Variants in DOP1A observed in about 807,000 individuals in gnomAD.
DOP1A encodes the protein DOP1 leucine zipper like protein A.
DOP1A carries 90 observed loss-of-function variants against 267.6 expected under a neutral mutation model. The observed-to-expected ratio is 0.34, with a 90% CI of 0.28 to 0.40. The LOEUF (loss-of-function observed/expected upper bound fraction) is 0.40. Among genes scored for constraint, DOP1A ranks in the 10% least tolerant of loss-of-function variants. The pLI, the probability that DOP1A is intolerant of heterozygous loss-of-function variation, is 1.00. For synonymous variants in DOP1A, 932 were observed against 999.1 expected (o/e 0.93, Z 1.27); for missense variants, 2,437 against 2,900.4 (o/e 0.84, Z 3.67).
chr6:83,160,238 C>T (rs536443509), intron 37 of DOP1A, among the ~76,000 whole-genome samples: 1 of 152,284 alleles, frequency 6.6e-6, no homozygotes, highest in Non-Finnish European at 1.5e-5. Context: ...CATACTCATA[C>T]TATGGTGGCT....
rs373743793 is a variant in DOP1A at position 83,093,691 on chromosome 6, A to T, written c.-146-3040A>T. On this transcript the variant is annotated intron_variant, in intron 1 of 38. Coordinates refer to ENST00000349129, the MANE Select transcript of DOP1A (RefSeq NM_015018.4). ...GGGAGGCCAGCGCAGGCAGATGACG[A>T]GGTCAGGAGTTCGAGACCAGCCTGG... Among the ~76,000 whole-genome samples the T allele has an allele frequency of 1.4e-4, 22 of 152,326 alleles. No homozygotes were observed. The East Asian group carries it at 3.5e-3, about 24-fold the overall frequency.
intron 17 of DOP1A, 109 bp downstream of exon 17, chr6:83,130,506 AAC>A: frequency 1.5e-6 from 2 of 1,331,980 alleles, no homozygotes; most frequent in Middle Eastern, 2.7e-4. Flanking sequence ...GCTTCATTTA[AAC>A]ACCTCTTAAT....
chr6:83,106,970 TTGG>T (rs1378531495), intron 4 of DOP1A, among the ~76,000 whole-genome samples: 1 of 152,136 alleles, frequency 6.6e-6, no homozygotes, highest in East Asian at 1.9e-4. Flanking sequence ...GATCTGGCAA[TTGG>T]TGGACATTGG....
intron 38 of DOP1A, 77 bp from the exon 39 acceptor site, chr6:83,167,785 G>A: frequency 6.8e-7 from 1 of 1,470,340 alleles, no homozygotes; most frequent in South Asian, 1.5e-5. Context: ...AATTGCCAAA[G>A]TTTATATATT....
chr6:83,160,288 T>C (rs1322083243), intron 37 of DOP1A, among the ~76,000 whole-genome samples: 1 of 152,194 alleles, frequency 6.6e-6, no homozygotes, highest in Non-Finnish European at 1.5e-5. Flanking sequence ...CAGAGATCCC[T>C]ACTAGCTCTG....
At chr6:83,103,328 C>T (rs1182450848) in intron 4 of DOP1A, among the ~76,000 whole-genome samples, 1 of 152,058 alleles carries the variant, frequency 6.6e-6, no homozygotes, top group Admixed American at 6.5e-5. Context: ...ACTTTGGGGA[C>T]CCAGGAGAAA....
At chr6:83,096,100 T>G (rs531014049) in intron 1 of DOP1A, among the ~76,000 whole-genome samples, 1 of 152,162 alleles carries the variant, frequency 6.6e-6, no homozygotes, top group Admixed American at 6.5e-5. Context: ...ACAAAGAATT[T>G]GTGGATTTGT....
Position 83,130,275 on chromosome 6 carries a change from A to G in DOP1A, c.2494A>G (p.Ile832Val), listed in dbSNP as rs1166491150. 5.0e-6 allele frequency: 8 copies of G among 1,613,990 alleles called. No homozygotes were observed. The highest frequency in any genetic ancestry group is 1.7e-5 in the Admixed American group (1 of 59,986). Residue 832 changes from isoleucine (I) to valine (V), a missense_variant, in exon 17 of 39, where the codon ATC (isoleucine) becomes GTC (valine). By Grantham distance (29) the Ile-to-Val change is conservative. This residue lies in a region of DOP1A where 878 missense variants were observed against 992.9 expected (regional missense o/e 0.88). Transcript: ENST00000349129. ...QSVAMVTGEN[I>V]NSVEPAQPLS... ...TGTGGCCATGGTCACTGGGGAAAAC[A>G]TCAACAGTGTAGAGCCTGCACAACC... is the stretch of plus-strand genomic sequence containing the variant.
chr6:83,108,832 T>G, intron 4 of DOP1A, 78 bp from the exon 5 acceptor site: 1 of 1,332,106 alleles, frequency 7.5e-7, no homozygotes, highest in Non-Finnish European at 1.0e-6. Flanking sequence ...AAAGAAATAT[T>G]TATACATATA....
At chr6:83,070,588 T>G (rs2127953046) in intron 1 of DOP1A, among the ~76,000 whole-genome samples, 1 of 152,370 alleles carries the variant, frequency 6.6e-6, no homozygotes, top group Admixed American at 6.5e-5. Flanking sequence ...GTTATACTTT[T>G]ACTCTCTGAG....
chr6:83,083,098 A>G (rs2128043572), intron 1 of DOP1A, among the ~76,000 whole-genome samples: 1 of 152,164 alleles, frequency 6.6e-6, no homozygotes, highest in South Asian at 2.1e-4. Flanking sequence ...ATGAGCCACC[A>G]TGCCTGGCCA....
At chr6:83,162,708 T>G in intron 37 of DOP1A, 82 bp from the exon 38 acceptor site, 1 of 1,442,214 alleles carries the variant, frequency 6.9e-7, no homozygotes, top group Non-Finnish European at 9.2e-7. Flanking sequence ...GGGGTCATGA[T>G]CTTTCTACTA....
rs751634957 is a variant in DOP1A at position 83,134,230 on chromosome 6, A to T, written c.2813A>T (p.His938Leu). The T allele has an allele frequency of 1.2e-6, 2 of 1,612,986 alleles. No individual in the cohort carries two copies. The highest frequency in any genetic ancestry group is 1.7e-6 in the Non-Finnish European group (2 of 1,179,450). Residue 938 changes from histidine (H) to leucine (L), a missense_variant, in exon 19 of 39, where the codon CAT (histidine) becomes CTT (leucine). Physicochemically the swap from His to Leu is moderately conservative, Grantham distance 99. Around this residue, in one of 9 missense-constraint regions of DOP1A, gnomAD observed 878 missense variants for 992.9 expected, o/e 0.88. Coordinates refer to ENST00000349129, the MANE Select transcript of DOP1A (RefSeq NM_015018.4). The part of the protein sequence containing the change: ...EAHAKFAVLW[H>L]LTRDLHINKS... Reference sequence around the variant, plus strand: ...CATGCCAAGTTTGCAGTTCTTTGGCATCTAACGAGAGATCTCCATATAAAT... The same window carrying T: ...CATGCCAAGTTTGCAGTTCTTTGGCTTCTAACGAGAGATCTCCATATAAAT...
intron 18 of DOP1A, among the ~76,000 whole-genome samples, chr6:83,132,950 T>C (rs1409233751): frequency 6.6e-6 from 1 of 152,114 alleles, no homozygotes; most frequent in Non-Finnish European, 1.5e-5. Context: ...GTAATATAAA[T>C]TGAAGATTTT....
intron 4 of DOP1A, among the ~76,000 whole-genome samples, chr6:83,108,688 C>A (rs1339401655): frequency 2.0e-5 from 3 of 152,136 alleles, no homozygotes; most frequent in Non-Finnish European, 4.4e-5. Flanking sequence ...AATATGAGGA[C>A]TTTGTGAAAC....
chr6:83,165,823 C>T (rs533094681), intron 38 of DOP1A: 8 of 315,166 alleles, frequency 2.5e-5, no homozygotes, highest in Non-Finnish European at 5.1e-5. Context: ...TTCTGGTGGC[C>T]AATGCCGGCT....
At chr6:83,131,306 C>T (rs1460866208) in intron 17 of DOP1A, among the ~76,000 whole-genome samples, 2 of 152,020 alleles carry the variant, frequency 1.3e-5, no homozygotes, top group East Asian at 3.9e-4. Flanking sequence ...TCAGATATTT[C>T]CTCCTGCTAG....
intron 38 of DOP1A, chr6:83,164,585 T>C (rs1271631280): frequency 3.0e-5 from 43 of 1,415,436 alleles, no homozygotes; most frequent in Non-Finnish European, 3.6e-5. Flanking sequence ...CCAAATCACC[T>C]TAAACAAGGT....
In DOP1A at chr6:83,137,408, G is replaced by C. The variant is rs1272939697; in HGVS notation, c.3366G>C (p.Leu1122Phe). 7 of 1,613,806 alleles carry C rather than the reference G, an allele frequency of 4.3e-6. 1 individual carries two copies. The South Asian group carries it at 7.7e-5, about 18-fold the overall frequency. The change falls in exon 21 of 39, where the codon TTG (leucine) becomes TTC (phenylalanine). Residue 1122 changes from leucine to phenylalanine, a missense_variant. Physicochemically the swap from Leu to Phe is conservative, Grantham distance 22. Transcript: ENST00000349129. ...CACAGTCCTCTGCTGGGGACAACTT[G>C]AGTTACGAAGTTGATCCTGAAACCG... ...GCSQSSAGDN[L>F]SYEVDPETVN...
Sources: allele counts gnomAD v4.1 joint callset (sites outside exome capture counted in the v4.1 genomes callset), GRCh38; gene constraint gnomAD v4.1.1; regional missense constraint gnomAD v4.1.1; transcripts MANE v1.5; gene names NCBI Gene and HGNC (gene_info 2026-07-23, HGNC 2026-07-21).